CRISPLD1: variants seen among roughly 807,000 people sequenced by gnomAD.
CRISPLD1 encodes cysteine-rich secretory protein LCCL domain-containing 1.
In CRISPLD1, 60 loss-of-function variants were observed where a neutral mutation model predicts 77.5. That is an observed-to-expected ratio of 0.77 (90% CI 0.63 to 0.96). CRISPLD1 has a LOEUF of 0.96. Ranked by LOEUF, CRISPLD1 falls within the 40% of genes least tolerant of loss-of-function variation. The probability of loss-of-function intolerance (pLI) is 0.00; values close to 1 mark genes in which losing one functional copy is unlikely to be tolerated. For missense variants in CRISPLD1, 623 were observed against 615.8 expected, an observed-to-expected ratio of 1.01 and a Z score of -0.12; for synonymous variants, 195 against 200.1, an observed-to-expected ratio of 0.97 and a Z score of 0.22.
rs1346802689 is a variant in CRISPLD1 at position 75,033,153 on chromosome 8, G to GAT, written c.*916_*917dup. On this transcript the variant is annotated 3_prime_UTR_variant, in exon 15 of 15. Transcript: ENST00000262207. ...GCCATATCATGGTACCTATAATGGT[G>GAT]ATATATTTGTTTCTATGAAAAATGT... is the stretch of plus-strand genomic sequence containing the variant. 1 of 152,170 alleles carries GAT rather than the reference G, an allele frequency of 6.6e-6. No individual in the cohort carries two copies. Among genetic ancestry groups the GAT allele is most frequent in the Non-Finnish European group, 1.5e-5 (1 of 67,806 alleles). The allele number at this position is 152,170 out of a possible 1,614,324, so 9.4% of individuals were successfully genotyped here.
At chr8:74,987,285 T>G (rs1025068299) in intron 2 of CRISPLD1, among the ~76,000 whole-genome samples, 6 of 152,202 alleles carry the variant, frequency 3.9e-5, no homozygotes, top group Non-Finnish European at 7.3e-5. Flanking sequence ...CTCAAGAGAC[T>G]AATCAGGGAT....
In CRISPLD1 at chr8:75,017,397, AG is replaced by A; in HGVS notation, c.1076del (p.Gly359GlufsTer31). ...GTGGCTGGGTAGATATCACTAGACA[AG>A]GAAGAAAGCATTATTTCATCAAGTC... Reference protein sequence around the residue: ...DGGWVDITRQGRKHYFIKSNR... With the variant: ...DGGWVDITRQXRKHYFIKSNR... On this transcript the variant is annotated frameshift_variant, in exon 10 of 15. Coordinates refer to ENST00000262207, the MANE Select transcript of CRISPLD1 (RefSeq NM_031461.6). LOFTEE classifies it high-confidence loss of function. 1 of 1,611,158 alleles carries A rather than the reference AG, an allele frequency of 6.2e-7. No individual in the cohort carries two copies. The highest frequency in any genetic ancestry group is 8.5e-7 in the Non-Finnish European group (1 of 1,178,418).
intron 2 of CRISPLD1, among the ~76,000 whole-genome samples, chr8:74,988,166 A>G (rs10957745): frequency 0.02 from 3,032 of 152,332 alleles, 33 homozygotes; most frequent in East Asian, 0.042. Context: ...AGTCTAAAAT[A>G]CTATTTTATT....
At chr8:75,012,601 G>A (rs1261592849) in intron 3 of CRISPLD1, 50 bp downstream of exon 3, 1 of 1,233,650 alleles carries the variant, frequency 8.1e-7, no homozygotes, top group Middle Eastern at 1.9e-4. Flanking sequence ...TGTTTAAAAT[G>A]AAGTCCTTAT....
chr8:74,996,869 C>T (rs1264115388), intron 2 of CRISPLD1, among the ~76,000 whole-genome samples: 1 of 151,722 alleles, frequency 6.6e-6, no homozygotes. Context: ...AGGCACATAC[C>T]ACCACACCCA....
chr8:75,030,690 GTGTGTGTGTGTGTGTGTATATGTA>G (rs1813320335), intron 14 of CRISPLD1, among the ~76,000 whole-genome samples: 1 of 151,056 alleles, frequency 6.6e-6, no homozygotes, highest in Non-Finnish European at 1.5e-5. Context: ...ATGTGTGTGT[GTGTGTGTGTGTGTGTGTATATGTA>G]TGTGTGTGTG....
chr8:75,030,604 A>G (rs1367082862), intron 14 of CRISPLD1, among the ~76,000 whole-genome samples: 1 of 152,062 alleles, frequency 6.6e-6, no homozygotes, highest in African/African-American at 2.4e-5. Flanking sequence ...TCCAGATGTT[A>G]GATGCTCCTG....
rs2128779957 is a variant in CRISPLD1 at position 74,984,874 on chromosome 8, GCCGT to G, written c.-105_-102del. On this transcript the variant is annotated 5_prime_UTR_variant, in exon 1 of 15. Transcript: ENST00000262207. The stretch of plus-strand genomic sequence containing the variant: ...AGGCTCTGGGCGGCTGCAGAGGCCG[GCCGT>G]CCGGTTTGGCTCACCTCTCCCAGGA... 6.6e-6 allele frequency: 1 copy of G among 152,424 alleles called. No individual in the cohort carries two copies. Among genetic ancestry groups the G allele is most frequent in the Non-Finnish European group, 1.5e-5 (1 of 68,130 alleles). 9.4% of individuals were successfully genotyped at this position (152,424 alleles called of 1,614,324 possible).
chr8:74,999,765 TTTTTC>T (rs566932046), intron 2 of CRISPLD1, among the ~76,000 whole-genome samples: 94 of 149,984 alleles, frequency 6.3e-4, no homozygotes, highest in African/African-American at 2.0e-3. Flanking sequence ...ATGAAATTTC[TTTTTC>T]TTTTCTTTTT....
chr8:75,006,616 CAAT>C (rs1414782210), intron 2 of CRISPLD1, among the ~76,000 whole-genome samples: 1 of 152,070 alleles, frequency 6.6e-6, no homozygotes, highest in Admixed American at 6.6e-5. Flanking sequence ...AGTTTCTAGT[CAAT>C]AATTATTTCT....
chr8:75,016,585 C>A lies in CRISPLD1; in HGVS notation c.748C>A (p.Pro250Thr). The A allele has an allele frequency of 6.2e-7, 1 of 1,612,870 alleles. No homozygotes were observed. The highest frequency in any genetic ancestry group is 8.5e-7 in the Non-Finnish European group (1 of 1,179,188). ...AACAGAAGGGTCAGACAGGTATTAT[C>A]CCCCTCGAGAAGAGGAAACAAATGA... Reference protein sequence around the residue: ...CYKEGSDRYYPPREEETNEIE... With the variant: ...CYKEGSDRYYTPREEETNEIE... Residue 250 changes from proline to threonine, a missense_variant, in exon 7 of 15, where the codon CCC (proline) becomes ACC (threonine). Physicochemically the swap from Pro to Thr is conservative, Grantham distance 38. Transcript: ENST00000262207.
intron 12 of CRISPLD1, among the ~76,000 whole-genome samples, chr8:75,021,822 C>A (rs1587026015): frequency 6.6e-6 from 1 of 151,934 alleles, no homozygotes; most frequent in Admixed American, 6.6e-5. Context: ...GTGAAAAAAA[C>A]CCAGGAACTT....
intron 12 of CRISPLD1, among the ~76,000 whole-genome samples, chr8:75,021,390 T>G (rs1563401718): frequency 6.6e-6 from 1 of 152,218 alleles, no homozygotes; most frequent in Non-Finnish European, 1.5e-5. Flanking sequence ...TCTCTACTAA[T>G]GCAAGAGTGC....
rs1300412145 is a variant in CRISPLD1, at chr8:75,032,222, A to C, written c.1483A>C (p.Arg495=). The change falls in exon 15 of 15, where the codon AGA becomes CGA. Residue 495 remains arginine, a synonymous_variant. Transcript: ENST00000262207. ...LQNPPGGKAF[R]VFAVV is the part of the protein sequence containing the mutation. ...GAATCCTCCAGGAGGAAAGGCATTCAGAGTGTTTGCTGTTGTGTGAAACTG... is the reference window on the plus strand; with the variant it reads ...GAATCCTCCAGGAGGAAAGGCATTCCGAGTGTTTGCTGTTGTGTGAAACTG... The C allele has an allele frequency of 6.2e-7, 1 of 1,608,576 alleles. No individual in the cohort carries two copies. Among genetic ancestry groups the C allele is most frequent in the East Asian group, 2.2e-5 (1 of 44,722 alleles).
At chr8:75,000,992 C>T (rs1217538202) in intron 2 of CRISPLD1, among the ~76,000 whole-genome samples, 1 of 151,846 alleles carries the variant, frequency 6.6e-6, no homozygotes, top group African/African-American at 2.4e-5. Context: ...AAGCTTTTCA[C>T]TAAAATATTT....
chr8:75,001,631 C>A (rs1812743419), intron 2 of CRISPLD1, among the ~76,000 whole-genome samples: 1 of 152,112 alleles, frequency 6.6e-6, no homozygotes, highest in African/African-American at 2.4e-5. Flanking sequence ...TATGGTGAGA[C>A]CCTTATCAGT....
intron 10 of CRISPLD1, among the ~76,000 whole-genome samples, chr8:75,017,788 G>T (rs539881844): frequency 6.6e-6 from 1 of 152,200 alleles, no homozygotes; most frequent in Admixed American, 6.5e-5. Context: ...TATTCTTCCT[G>T]TCCTATTTAG....
chr8:75,002,954 T>G (rs1175255472), intron 2 of CRISPLD1, among the ~76,000 whole-genome samples: 1 of 152,214 alleles, frequency 6.6e-6, no homozygotes, highest in African/African-American at 2.4e-5. Flanking sequence ...GTTTTAATAT[T>G]GAGGAAAATA....
rs200844458 is a variant in CRISPLD1, at chr8:75,019,547, GA to G, written c.1128-320del. ...AAATAGTTTGGTCCCGTGGAGGCAGGAAATTAGTATGTGAGGGTTTTAATTT... is the reference window on the plus strand; with the variant it reads ...AAATAGTTTGGTCCCGTGGAGGCAGGAATTAGTATGTGAGGGTTTTAATTT... On this transcript the variant is annotated intron_variant, in intron 10 of 14. Coordinates refer to ENST00000262207, the MANE Select transcript of CRISPLD1 (RefSeq NM_031461.6). Among the ~76,000 whole-genome samples the G allele has an allele frequency of 5.8e-3, 889 of 152,074 alleles. 11 individuals are homozygous for G. Among genetic ancestry groups the G allele is most frequent in the African/African-American group, 0.02 (845 of 41,500 alleles).
Sources: allele counts gnomAD v4.1 joint callset (sites outside exome capture counted in the v4.1 genomes callset), GRCh38; gene constraint gnomAD v4.1.1; transcripts MANE v1.5; gene names NCBI Gene and HGNC (gene_info 2026-07-23, HGNC 2026-07-21).